Variants in C8A observed in about 807,000 individuals in gnomAD.
C8A encodes complement C8 alpha chain, also known as complement component C8 alpha chain.
C8A carries 67 observed loss-of-function variants against 65.3 expected under a neutral mutation model. That is an observed-to-expected ratio of 1.03 (90% CI 0.84 to 1.26). The LOEUF (loss-of-function observed/expected upper bound fraction) is 1.26, where lower values mean the gene tolerates loss of function less well. C8A is among the 50% of genes most tolerant of loss of function. The pLI is 0.00. For synonymous variants in C8A, 290 were observed against 259.4 expected (o/e 1.12, Z -1.13); for missense variants, 781 against 723.9 (o/e 1.08, Z -0.90).
In C8A at chr1:56,885,424, T is replaced by G. The variant is rs1258556351; in HGVS notation, c.856-503T>G. On this transcript the variant is annotated intron_variant, in intron 6 of 10. Transcript: ENST00000361249. ...AATATATATTTATTTAAATATATAT[T>G]TAAATATATATTTAAGTAAATATAT... is the stretch of plus-strand genomic sequence containing the variant. Among the ~76,000 whole-genome samples the G allele has an allele frequency of 2.4e-4, 22 of 90,058 alleles. No individual in the cohort carries two copies. The East Asian group carries it at 5.6e-3, about 23-fold the overall frequency. The allele number at this position is 90,058 out of a possible 152,430, so 59.1% of individuals were successfully genotyped here.
chr1:56,882,681 A>G (rs2101235591), intron 5 of C8A, among the ~76,000 whole-genome samples: 1 of 152,242 alleles, frequency 6.6e-6, no homozygotes, highest in South Asian at 2.1e-4. Flanking sequence ...CTATCAGGCC[A>G]ATGGTAAATC....
chr1:56,915,899 A>T (rs1338832855), intron 10 of C8A, among the ~76,000 whole-genome samples: 1 of 152,172 alleles, frequency 6.6e-6, no homozygotes, highest in African/African-American at 2.4e-5. Flanking sequence ...GGGAGTGGAA[A>T]GTGGGGTATG....
At chr1:56,911,725 G>C (rs542770401) in intron 9 of C8A, among the ~76,000 whole-genome samples, 11 of 152,304 alleles carry the variant, frequency 7.2e-5, no homozygotes, top group Admixed American at 3.9e-4. Flanking sequence ...GTCATGTCTG[G>C]AATGGGTTGC....
At chr1:56,885,804 C>A (rs897049063) in intron 6 of C8A, 123 bp from the exon 7 acceptor site, 28 of 1,320,928 alleles carry the variant, frequency 2.1e-5, no homozygotes, top group Non-Finnish European at 3.0e-5. Context: ...CCAGCTTCTG[C>A]CTCCCAAAAT....
intron 7 of C8A, among the ~76,000 whole-genome samples, chr1:56,898,990 T>C (rs1233137197): frequency 1.3e-5 from 2 of 152,146 alleles, no homozygotes; most frequent in Non-Finnish European, 2.9e-5. Context: ...TATTTATTTA[T>C]TTTTGCTCCT....
intron 7 of C8A, among the ~76,000 whole-genome samples, chr1:56,903,994 G>C (rs968990976): frequency 6.6e-6 from 1 of 152,180 alleles, no homozygotes; most frequent in Non-Finnish European, 1.5e-5. Flanking sequence ...GCAGCCTGAT[G>C]GGATGAGGTG....
At chr1:56,916,473 G>A (rs1383245440) in intron 10 of C8A, among the ~76,000 whole-genome samples, 14 of 152,192 alleles carry the variant, frequency 9.2e-5, no homozygotes, top group Admixed American at 9.2e-4. Context: ...AGAGGTGGGA[G>A]AAAGAGACAG....
At chr1:56,859,760 A>AG (rs74672694) in intron 1 of C8A, among the ~76,000 whole-genome samples, 1 of 85,120 alleles carries the variant, frequency 1.2e-5, no homozygotes, top group East Asian at 1.0e-3. Context: ...TAAATATATA[A>AG]AAAAAAATTA....
intron 1 of C8A, 54 bp from the exon 2 acceptor site, chr1:56,867,555 A>C (rs1332822248): frequency 7.7e-7 from 1 of 1,298,046 alleles, no homozygotes; most frequent in Admixed American, 1.7e-5. Context: ...CAGCTTTCTC[A>C]TTTGCTTAAA....
intron 4 of C8A, among the ~76,000 whole-genome samples, chr1:56,879,964 C>T (rs1353459293): frequency 6.6e-6 from 1 of 152,156 alleles, no homozygotes; most frequent in Non-Finnish European, 1.5e-5. Flanking sequence ...CAGGTAGTCA[C>T]TGCATCCCTT....
At chr1:56,897,287 C>T (rs999895331) in intron 7 of C8A, among the ~76,000 whole-genome samples, 9 of 152,256 alleles carry the variant, frequency 5.9e-5, no homozygotes, top group African/African-American at 2.2e-4. Context: ...TGAGATTGTT[C>T]TGAAACTTAA....
At chr1:56,906,316 G>A (rs1394447737) in intron 7 of C8A, among the ~76,000 whole-genome samples, 1 of 152,160 alleles carries the variant, frequency 6.6e-6, no homozygotes, top group Non-Finnish European at 1.5e-5. Context: ...AAAGTTCAGG[G>A]TAATGGTGCC....
chr1:56,912,406 C>T lies in C8A; in HGVS notation c.1384C>T (p.Gln462Ter), dbSNP rs1644515376. 6.2e-7 allele frequency: 1 copy of T among 1,614,056 alleles called. No homozygotes were observed. The change falls in exon 10 of 11, where the codon CAG (glutamine) becomes TAG (stop). Residue 462 changes from glutamine to a stop codon, truncating the protein, a stop_gained. Coordinates refer to ENST00000361249, the MANE Select transcript of C8A (RefSeq NM_000562.3). LOFTEE classifies it high-confidence loss of function. ...TGTGTTCTTTCTGTGCCCACAGATGCAGCCTATCCACGAGGTGCTGCGGCA... is the reference window on the plus strand; with the variant it reads ...TGTGTTCTTTCTGTGCCCACAGATGTAGCCTATCCACGAGGTGCTGCGGCA... ...YNPVVIDFEMQPIHEVLRHTS... is the reference protein window; with the variant it reads ...YNPVVIDFEM
intron 7 of C8A, among the ~76,000 whole-genome samples, chr1:56,898,764 G>A (rs77505670): frequency 0.03 from 4,576 of 152,222 alleles, 195 homozygotes; most frequent in African/African-American, 0.11. Context: ...CCACAGCAGA[G>A]ACTCAGCGTC....
chr1:56,855,818 T>G (rs1643969600), intron 1 of C8A, among the ~76,000 whole-genome samples: 1 of 152,104 alleles, frequency 6.6e-6, no homozygotes, highest in South Asian at 2.1e-4. Flanking sequence ...TTTTAAATGC[T>G]AGAGCAAGTG....
intron 7 of C8A, among the ~76,000 whole-genome samples, chr1:56,898,304 G>T (rs1644400907): frequency 1.3e-5 from 2 of 152,088 alleles, no homozygotes. Context: ...ATGGCAAGCT[G>T]CAGGAATCAT....
chr1:56,894,238 G>T (rs186458163), intron 7 of C8A, among the ~76,000 whole-genome samples: 6 of 152,144 alleles, frequency 3.9e-5, no homozygotes, highest in African/African-American at 1.4e-4. Context: ...TGTCCAGCCT[G>T]CAGTGTCTGG....
In C8A at chr1:56,875,010, T is replaced by A; in HGVS notation, c.233T>A (p.Ile78Asn). 1 of 1,613,786 alleles carries A rather than the reference T, an allele frequency of 6.2e-7. No homozygotes were observed. The highest frequency in any genetic ancestry group is 1.1e-5 in the South Asian group (1 of 91,072). ...KFGGTICSGD[I>N]WDQASCSSST... ...GGGGGAACCATCTGCAGTGGTGACA[T>A]CTGGGATCAAGCCAGCTGCTCCAGT... is the stretch of plus-strand genomic sequence containing the variant. Residue 78 changes from isoleucine to asparagine, a missense_variant, in exon 3 of 11, where the codon ATC (isoleucine) becomes AAC (asparagine). Coordinates refer to ENST00000361249, the MANE Select transcript of C8A (RefSeq NM_000562.3).
intron 9 of C8A, among the ~76,000 whole-genome samples, chr1:56,908,719 TC>T (rs1644485356): frequency 6.6e-6 from 1 of 152,114 alleles, no homozygotes; most frequent in African/African-American, 2.4e-5. Context: ...TACTATTCCC[TC>T]CCATTAAAAA....
Sources: allele counts gnomAD v4.1 joint callset (sites outside exome capture counted in the v4.1 genomes callset), GRCh38; gene constraint gnomAD v4.1.1; transcripts MANE v1.5; gene names NCBI Gene and HGNC (gene_info 2026-07-23, HGNC 2026-07-21).